The following SEC22A variants were observed in gnomAD, a reference collection of about 807,000 sequenced individuals.
SEC22A encodes the protein vesicle-trafficking protein SEC22a.
In SEC22A, 22 loss-of-function variants were observed where a neutral mutation model predicts 35.3. That is an observed-to-expected ratio of 0.62 (90% CI 0.45 to 0.89). The LOEUF (loss-of-function observed/expected upper bound fraction) is 0.89, where lower values mean the gene tolerates loss of function less well. SEC22A is among the 40% of genes least tolerant of loss of function. The probability of loss-of-function intolerance (pLI) is 0.00; values close to 1 mark genes in which losing one functional copy is unlikely to be tolerated. For missense variants in SEC22A, 354 were observed against 362.5 expected, an observed-to-expected ratio of 0.98 and a Z score of 0.19; for synonymous variants, 119 against 129.5, an observed-to-expected ratio of 0.92 and a Z score of 0.55.
chr3:123,252,883 T>C (rs988168309), intron 5 of SEC22A, among the ~76,000 whole-genome samples: 4 of 152,212 alleles, frequency 2.6e-5, no homozygotes, highest in Non-Finnish European at 5.9e-5. Flanking sequence ...CATAAGTTTA[T>C]TTTGGAGTCC....
intron 1 of SEC22A, among the ~76,000 whole-genome samples, chr3:123,202,856 T>G (rs1228458034): frequency 6.6e-6 from 1 of 152,114 alleles, no homozygotes. Flanking sequence ...TTTCAAACTC[T>G]GAATCACTTT....
intron 5 of SEC22A, among the ~76,000 whole-genome samples, chr3:123,247,780 CAACTT>C (rs1306622869): frequency 6.6e-6 from 1 of 152,128 alleles, no homozygotes. Flanking sequence ...TTTAAAAAGA[CAACTT>C]TACAGACCAT....
At chr3:123,271,401 G>C in intron 6 of SEC22A, 121 bp from the exon 7 acceptor site, 1 of 726,936 alleles carries the variant, frequency 1.4e-6, no homozygotes, top group East Asian at 2.7e-5. Flanking sequence ...CTTATCCCTA[G>C]ATAAAAAATA....
At position 123,227,131 on chromosome 3, in the gene SEC22A, T is replaced by C. The variant is rs190952378; in HGVS notation, c.541+1834T>C. 2.8e-3 allele frequency among the ~76,000 whole-genome samples: 419 copies of C among 152,288 alleles called. 1 individual carries two copies. The highest frequency in any genetic ancestry group is 3.7e-3 in the Non-Finnish European group (251 of 68,018). On this transcript the variant is annotated intron_variant, in intron 4 of 6. Transcript: ENST00000492595. ...ACAGTTGTGAAATGATATAAACTTT[T>C]GCTTAAAATGAACACCTCATTATTT...
chr3:123,215,660 G>A (rs537912829), intron 2 of SEC22A, among the ~76,000 whole-genome samples: 2 of 152,092 alleles, frequency 1.3e-5, no homozygotes, highest in Non-Finnish European at 2.9e-5. Flanking sequence ...CTCCTTCAAC[G>A]TCACAAAAAT....
chr3:123,205,528 A>C (rs1936836198), intron 1 of SEC22A, among the ~76,000 whole-genome samples: 1 of 152,044 alleles, frequency 6.6e-6, no homozygotes, highest in South Asian at 2.1e-4. Context: ...TCTCTACTAA[A>C]AATACAAAAA....
intron 1 of SEC22A, among the ~76,000 whole-genome samples, chr3:123,203,053 CTTT>C (rs779433710): frequency 1.2e-3 from 53 of 43,776 alleles, no homozygotes; most frequent in African/African-American, 5.0e-3. Context: ...TGTTTAGTGC[CTTT>C]TTTTTTTTTT....
intron 1 of SEC22A, among the ~76,000 whole-genome samples, chr3:123,205,743 C>G (rs534117540): frequency 6.6e-6 from 1 of 152,218 alleles, no homozygotes; most frequent in East Asian, 1.9e-4. Context: ...GTTTGTCCAA[C>G]TTTAGTTTTC....
At chr3:123,241,126 T>C (rs185668997) in intron 4 of SEC22A, among the ~76,000 whole-genome samples, 64 of 152,138 alleles carry the variant, frequency 4.2e-4, no homozygotes, top group Non-Finnish European at 3.8e-4. Flanking sequence ...TTTTTAGAAA[T>C]ACAGTAAACA....
At chr3:123,237,584 G>A (rs1301065997) in intron 4 of SEC22A, among the ~76,000 whole-genome samples, 2 of 152,116 alleles carry the variant, frequency 1.3e-5, no homozygotes, top group African/African-American at 4.8e-5. Flanking sequence ...ACTTCCATTG[G>A]ACCTTCCTTC....
At position 123,258,528 on chromosome 3, in the gene SEC22A, G is replaced by A. The variant is rs188278949; in HGVS notation, c.658-996G>A. 4.5e-4 allele frequency among the ~76,000 whole-genome samples: 69 copies of A among 152,242 alleles called. 1 individual carries two copies. The South Asian group carries it at 0.014, about 31-fold the overall frequency. On this transcript the variant is annotated intron_variant, in intron 5 of 6. Transcript: ENST00000492595. Reference sequence around the variant, plus strand: ...CTTCCTTGCCTCTGGGGTGCAACTGGCCTGAGCATCCCAGGCAGATGAGTG... The same window carrying A: ...CTTCCTTGCCTCTGGGGTGCAACTGACCTGAGCATCCCAGGCAGATGAGTG...
intron 6 of SEC22A, 114 bp downstream of exon 6, chr3:123,259,703 C>G (rs1937833368): frequency 1.3e-6 from 1 of 767,092 alleles, no homozygotes; most frequent in Admixed American, 2.7e-5. Flanking sequence ...CTTTGCTTCT[C>G]TTTTAATTTG....
Position 123,223,576 on chromosome 3 carries a change from G to T in SEC22A, c.200G>T (p.Gly67Val). ...CACTGTAGTTTTATTAGCTCTCTGG[G>T]AGTGAGCTACATGATGTTGTGCACT... Reference protein sequence around the residue: ...HYNINFISSLGVSYMMLCTEN... With the variant: ...HYNINFISSLVVSYMMLCTEN... Residue 67 changes from glycine to valine, a missense_variant, in exon 3 of 7, where the codon GGA becomes GTA. Physicochemically the swap from Gly to Val is moderately radical, Grantham distance 109. Transcript: ENST00000492595. The T allele has an allele frequency of 9.3e-6, 15 of 1,612,470 alleles. No individual in the cohort carries two copies. The highest frequency in any genetic ancestry group is 1.3e-5 in the Non-Finnish European group (15 of 1,178,948).
At chr3:123,255,174 A>G (rs1002406037) in intron 5 of SEC22A, among the ~76,000 whole-genome samples, 2 of 152,234 alleles carry the variant, frequency 1.3e-5, no homozygotes, top group East Asian at 1.9e-4. Flanking sequence ...ATTTCAGGAA[A>G]CATAGACACA....
rs544940762 is a variant in SEC22A, at chr3:123,220,867, CATATATATATATACATAT to C, written c.183-2679_183-2662del. Among the ~76,000 whole-genome samples, 52 of 97,580 alleles carry C rather than the reference CATATATATATATACATAT, an allele frequency of 5.3e-4. 1 individual carries two copies. Among genetic ancestry groups the C allele is most frequent in the African/African-American group, 1.3e-3 (36 of 27,608 alleles). 64.0% of individuals were successfully genotyped at this position (97,580 alleles called of 152,430 possible). ...CTAGGATGGTCTTTAAAAAAGGTCT[CATATATATATATACATAT>C]ATATATATATATGTCACATGTATAT... On this transcript the variant is annotated intron_variant, in intron 2 of 6. Coordinates refer to ENST00000492595, the MANE Select transcript of SEC22A (RefSeq NM_012430.5).
intron 2 of SEC22A, among the ~76,000 whole-genome samples, chr3:123,210,620 A>G (rs529746577): frequency 6.6e-6 from 1 of 152,336 alleles, no homozygotes; most frequent in East Asian, 1.9e-4. Flanking sequence ...GTCAGCTTAC[A>G]GTTTGTGATT....
intron 3 of SEC22A, among the ~76,000 whole-genome samples, chr3:123,224,094 T>C (rs1199672277): frequency 6.6e-6 from 1 of 152,184 alleles, no homozygotes; most frequent in Non-Finnish European, 1.5e-5. Context: ...TTTTAGACTT[T>C]AAGGATCATA....
intron 6 of SEC22A, among the ~76,000 whole-genome samples, chr3:123,260,837 TTC>T (rs1400266589): frequency 7.9e-6 from 1 of 127,124 alleles, no homozygotes. Flanking sequence ...GATTTTCTTT[TTC>T]TTTTTTTTTT....
intron 6 of SEC22A, among the ~76,000 whole-genome samples, chr3:123,265,833 T>TA (rs1391642709): frequency 2.6e-5 from 4 of 152,220 alleles, no homozygotes; most frequent in Non-Finnish European, 5.9e-5. Context: ...TGCACCTTTG[T>TA]AAAAAATCAG....
Sources: gnomAD v4.1 joint callset for allele counts (sites outside exome capture counted in the v4.1 genomes callset) on GRCh38, gnomAD v4.1.1 for gene constraint, MANE v1.5 for transcripts, NCBI Gene and HGNC (gene_info 2026-07-23, HGNC 2026-07-21) for gene names.